The following VTCN1 variants were observed in gnomAD, a reference collection of about 807,000 sequenced individuals.
The protein encoded by VTCN1 is V-set domain-containing T-cell activation inhibitor 1.
Under a neutral mutation model 26.5 loss-of-function variants are expected in VTCN1, and 26 were observed. That is an observed-to-expected ratio of 0.98 (90% CI 0.72 to 1.36). The LOEUF (loss-of-function observed/expected upper bound fraction) is 1.36. Among genes scored for constraint, VTCN1 ranks in the 40% most tolerant of loss-of-function variants. VTCN1 has a pLI of 0.00. For synonymous variants in VTCN1, 116 were observed against 130.7 expected (o/e 0.89, Z 0.77); for missense variants, 298 against 337.7 (o/e 0.88, Z 0.92).
At chr1:117,209,607 G>A (rs1012239577) in intron 1 of VTCN1, among the ~76,000 whole-genome samples, 1 of 152,190 alleles carries the variant, frequency 6.6e-6, no homozygotes, top group Non-Finnish European at 1.5e-5. Flanking sequence ...CTCTGACATA[G>A]GTGCTTCTTA....
At chr1:117,172,182 G>GA (rs1379170471) in intron 1 of VTCN1, among the ~76,000 whole-genome samples, 2 of 152,158 alleles carry the variant, frequency 1.3e-5, no homozygotes, top group Non-Finnish European at 2.9e-5. Context: ...GCTATAGAGA[G>GA]AAAAAAGAAA....
chr1:117,179,245 T>C (rs74111990), intron 1 of VTCN1, among the ~76,000 whole-genome samples: 9,940 of 152,258 alleles, frequency 0.065, 1,037 homozygotes, highest in African/African-American at 0.22. Context: ...ATACCAGTAC[T>C]GACACTACCC....
At chr1:117,153,634 G>A (rs1651918169) in intron 3 of VTCN1, among the ~76,000 whole-genome samples, 1 of 152,006 alleles carries the variant, frequency 6.6e-6, no homozygotes, top group Non-Finnish European at 1.5e-5. Flanking sequence ...GGTATATTAT[G>A]GTTACAATAG....
chr1:117,171,196 T>C (rs1353270862), intron 1 of VTCN1, among the ~76,000 whole-genome samples: 5 of 152,238 alleles, frequency 3.3e-5, no homozygotes, highest in African/African-American at 1.2e-4. Context: ...TTCTTTTTTA[T>C]GGCTGCATAG....
intron 1 of VTCN1, among the ~76,000 whole-genome samples, chr1:117,181,609 C>T (rs564778341): frequency 6.6e-6 from 1 of 152,296 alleles, no homozygotes; most frequent in Admixed American, 6.5e-5. Context: ...AGAACGTGCC[C>T]TCCCTTCTCT....
chr1:117,148,622 T>C (rs112490494), intron 4 of VTCN1, among the ~76,000 whole-genome samples: 8,279 of 152,248 alleles, frequency 0.054, 274 homozygotes, highest in South Asian at 0.08. Flanking sequence ...GATATGTCAT[T>C]TAAAAACATA....
chr1:117,165,467 C>A (rs944280471), intron 2 of VTCN1, among the ~76,000 whole-genome samples: 1 of 152,076 alleles, frequency 6.6e-6, no homozygotes, highest in Non-Finnish European at 1.5e-5. Flanking sequence ...TGGGGCAGAT[C>A]CCTTATAAAT....
At chr1:117,201,241 G>A (rs1262331683) in intron 1 of VTCN1, among the ~76,000 whole-genome samples, 1 of 152,142 alleles carries the variant, frequency 6.6e-6, no homozygotes, top group African/African-American at 2.4e-5. Flanking sequence ...GGCTTGCTTA[G>A]GTCACTGTCC....
At chr1:117,153,054 C>T (rs1464432612) in intron 4 of VTCN1, 37 bp downstream of exon 4, 2 of 1,571,756 alleles carry the variant, frequency 1.3e-6, no homozygotes, top group Non-Finnish European at 1.7e-6. Context: ...TTTACTCTTT[C>T]CCCAGTAAAT....
chr1:117,176,520 GTT>G (rs762276578), intron 1 of VTCN1, among the ~76,000 whole-genome samples: 1 of 152,210 alleles, frequency 6.6e-6, no homozygotes, highest in Non-Finnish European at 1.5e-5. Flanking sequence ...AACATGAATG[GTT>G]TCTATGTTCT....
At position 117,144,086 on chromosome 1, in the gene VTCN1, T is replaced by C. The variant is rs545595796; in HGVS notation, c.*1185A>G. On this transcript the variant is annotated 3_prime_UTR_variant, in exon 6 of 6. Coordinates refer to ENST00000369458, the MANE Select transcript of VTCN1 (RefSeq NM_024626.4). The stretch of plus-strand genomic sequence containing the variant: ...CCGATAGAGTTCTGGCTCTCTGTGC[T>C]GAGGCAGCAGCCAAAGAGACAGAAT... 6.6e-6 allele frequency: 1 copy of C among 152,366 alleles called. No homozygotes were observed. The highest frequency in any genetic ancestry group is 2.1e-4 in the South Asian group (1 of 4,826). 9.4% of individuals were successfully genotyped at this position (152,366 alleles called of 1,614,324 possible).
intron 1 of VTCN1, among the ~76,000 whole-genome samples, chr1:117,203,419 T>C (rs1461507893): frequency 6.6e-6 from 1 of 152,156 alleles, no homozygotes; most frequent in Non-Finnish European, 1.5e-5. Flanking sequence ...CTTTCATGGT[T>C]TTTATCTATG....
chr1:117,151,592 A>C (rs1353354999), intron 4 of VTCN1, among the ~76,000 whole-genome samples: 1 of 140,562 alleles, frequency 7.1e-6, no homozygotes, highest in African/African-American at 3.3e-5. Context: ...TGATTGGTTC[A>C]TTTTTACAGA....
intron 1 of VTCN1, among the ~76,000 whole-genome samples, chr1:117,198,901 T>C (rs2101596486): frequency 6.6e-6 from 1 of 152,270 alleles, no homozygotes; most frequent in Middle Eastern, 3.4e-3. Context: ...AAGAAAGCAC[T>C]GCTGTAGAAG....
rs1229670210 is a variant in VTCN1 at position 117,156,760 on chromosome 1, T to G, written c.259A>C (p.Lys87Gln). 6.2e-7 allele frequency: 1 copy of G among 1,614,214 alleles called. No homozygotes were observed. Among genetic ancestry groups the G allele is most frequent in the East Asian group, 2.2e-5 (1 of 44,878 alleles). The change falls in exon 3 of 6, where the codon AAA becomes CAA. Residue 87 changes from lysine to glutamine, a missense_variant. Coordinates refer to ENST00000369458, the MANE Select transcript of VTCN1 (RefSeq NM_024626.4). ...TCATCCTGCTCCGACAGCTCATCTT[T>G]GCCTTCTTTGAACTCATGGACCAAG... is the stretch of plus-strand genomic sequence containing the variant. ...LGLVHEFKEG[K>Q]DELSEQDEMF...
intron 1 of VTCN1, among the ~76,000 whole-genome samples, chr1:117,182,386 G>T (rs535246681): frequency 6.6e-6 from 1 of 152,212 alleles, no homozygotes; most frequent in South Asian, 2.1e-4. Flanking sequence ...TTTTAGACTG[G>T]GCCCCAGTTC....
chr1:117,173,208 C>A, intron 1 of VTCN1: 1 of 716,102 alleles, frequency 1.4e-6, no homozygotes, highest in South Asian at 1.5e-5. Context: ...CGGCTTCATT[C>A]TTGAAGTCAG....
At chr1:117,172,291 C>G (rs144353759) in intron 1 of VTCN1, 1 of 509,604 alleles carries the variant, frequency 2.0e-6, no homozygotes, top group African/African-American at 1.9e-5. Context: ...GTTCCCCTGC[C>G]GGCCAAGCCC....
chr1:117,204,614 C>A (rs1648950378), intron 1 of VTCN1, among the ~76,000 whole-genome samples: 1 of 152,002 alleles, frequency 6.6e-6, no homozygotes, highest in Non-Finnish European at 1.5e-5. Flanking sequence ...CGCCTGTAAT[C>A]CCAGCACTTT....
Sources: allele counts gnomAD v4.1 joint callset (sites outside exome capture counted in the v4.1 genomes callset), GRCh38; gene constraint gnomAD v4.1.1; transcripts MANE v1.5; gene names NCBI Gene and HGNC (gene_info 2026-07-23, HGNC 2026-07-21).